ACOX3: variants seen among roughly 807,000 people sequenced by gnomAD.
ACOX3 encodes acyl-CoA oxidase 3, pristanoyl.
In ACOX3, 73 loss-of-function variants were observed where a neutral mutation model predicts 81.5. That is an observed-to-expected ratio of 0.90 (90% CI 0.74 to 1.09). The LOEUF is 1.09. ACOX3 is among the 50% of genes least tolerant of loss of function. The pLI is 0.00. For synonymous variants in ACOX3, 387 were observed against 375.1 expected (o/e 1.03, Z -0.37); for missense variants, 947 against 928.0 (o/e 1.02, Z -0.27).
rs1720834062 is a variant in ACOX3 at position 8,405,487 on chromosome 4, G to T, written c.776+468C>A. On this transcript the variant is annotated intron_variant, in intron 7 of 17. Coordinates refer to ENST00000356406, the MANE Select transcript of ACOX3 (RefSeq NM_003501.3). The surrounding 1 kb of genome is among the most constrained non-coding windows in gnomAD (Gnocchi z 7.1). ...GGCTGATTAAACAAATAAGCCAGCG[G>T]AATTCTCTTTCTAAGTGCTGTGACA... 6.6e-6 allele frequency among the ~76,000 whole-genome samples: 1 copy of T among 152,248 alleles called. No homozygotes were observed. Among genetic ancestry groups the T allele is most frequent in the Non-Finnish European group, 1.5e-5 (1 of 68,040 alleles).
At chr4:8,365,047 G>T (rs189707087), downstream of ACOX3, among the ~76,000 whole-genome samples, 1 of 152,262 alleles carries the variant, frequency 6.6e-6, no homozygotes, top group Admixed American at 6.5e-5. Flanking sequence ...ACACACACAC[G>T]GCCTGAGGCA....
rs749462766 is a variant in ACOX3, at chr4:8,367,038, C to G, written c.2026G>C (p.Val676Leu). 61 of 1,613,998 alleles carry G rather than the reference C, an allele frequency of 3.8e-5. No individual in the cohort carries two copies. The highest frequency in any genetic ancestry group is 4.7e-5 in the Non-Finnish European group (56 of 1,180,018). ...GGCCACCAGGATGCCCGCTCCAACA[C>G]CTTGCTTTCCTGCAGGACAGCGCCC... ...LWGAVLQESK[V>L]LERASWWPEF... Residue 676 changes from valine (V) to leucine (L), a missense_variant, in exon 18 of 18, where the codon GTG (valine) becomes CTG (leucine). By Grantham distance (32) the Val-to-Leu change is conservative. Transcript: ENST00000356406.
chr4:8,380,435 C>T (rs1449990288), intron 14 of ACOX3, among the ~76,000 whole-genome samples: 3 of 152,092 alleles, frequency 2.0e-5, no homozygotes, highest in Admixed American at 6.5e-5. Context: ...GTAATCCACC[C>T]GTCTCAGCCT....
chr4:8,410,033 G>C (rs1721548460), intron 6 of ACOX3, among the ~76,000 whole-genome samples, 179 bp downstream of exon 6: 1 of 151,854 alleles, frequency 6.6e-6, no homozygotes, highest in South Asian at 2.1e-4. Context: ...TGTGGGCGGG[G>C]CTGTTTGCAC....
chr4:8,410,309 A>G lies in ACOX3; in HGVS notation c.590T>C (p.Val197Ala). ...SPDFEAAKFW[V>A]GNMGKTATHA... is the part of the protein sequence containing the mutation. ...AGTGGCTGTCTTGCCCATGTTGCCA[A>G]CCCAAAACTTGGCAGCTTCGAAATC... Residue 197 changes from valine (V) to alanine (A), a missense_variant, in exon 6 of 18, where the codon GTT (valine) becomes GCT (alanine). Coordinates refer to ENST00000356406, the MANE Select transcript of ACOX3 (RefSeq NM_003501.3). 1 of 1,614,140 alleles carries G rather than the reference A, an allele frequency of 6.2e-7. No homozygotes were observed. The highest frequency in any genetic ancestry group is 1.1e-5 in the South Asian group (1 of 91,086).
chr4:8,367,961 C>T (rs1378099199), intron 17 of ACOX3, among the ~76,000 whole-genome samples: 1 of 151,304 alleles, frequency 6.6e-6, no homozygotes, highest in Non-Finnish European at 1.5e-5. Context: ...CACTGCACCC[C>T]AGCCTGGGTG....
At chr4:8,411,081 C>T (rs1721670651) in intron 5 of ACOX3, among the ~76,000 whole-genome samples, 1 of 152,194 alleles carries the variant, frequency 6.6e-6, no homozygotes, top group Non-Finnish European at 1.5e-5. Context: ...CTGCTGGGAG[C>T]CCTTCGAGTA....
Position 8,405,934 on chromosome 4 carries a change from T to A in ACOX3, c.776+21A>T. On this transcript the variant is annotated intron_variant, in intron 7 of 17. Coordinates refer to ENST00000356406, the MANE Select transcript of ACOX3 (RefSeq NM_003501.3). The surrounding 1 kb of genome is among the most constrained non-coding windows in gnomAD (Gnocchi z 7.1). ...TGGGCCTTGGCAGGAAGCTCAGGGC[T>A]CAGCAGCCTCTGTCACTCACCCATT... The A allele has an allele frequency of 6.2e-7, 1 of 1,611,422 alleles. No individual in the cohort carries two copies. Among genetic ancestry groups the A allele is most frequent in the Non-Finnish European group, 8.5e-7 (1 of 1,177,608 alleles).
chr4:8,424,959 A>G (rs1723315863), intron 1 of ACOX3, among the ~76,000 whole-genome samples: 1 of 152,228 alleles, frequency 6.6e-6, no homozygotes, highest in Non-Finnish European at 1.5e-5. Flanking sequence ...TGGCAGAACT[A>G]ATAGCCCTCA....
At chr4:8,402,759 G>T (rs1268258618) in intron 7 of ACOX3, among the ~76,000 whole-genome samples, 1 of 152,362 alleles carries the variant, frequency 6.6e-6, no homozygotes, top group African/African-American at 2.4e-5. Flanking sequence ...GGAGTTGTGT[G>T]TGTGTGTCAC....
the ACOX3 span, chr4:8,357,412 T>C: frequency 5.6e-6 from 2 of 357,166 alleles, no homozygotes; most frequent in Non-Finnish European, 5.6e-6. Flanking sequence ...GGCCCAAAAG[T>C]AAATCAATTA....
chr4:8,393,619 ACACACACACACACACACG>A (rs1243125430), intron 10 of ACOX3, among the ~76,000 whole-genome samples: 4 of 115,712 alleles, frequency 3.5e-5, no homozygotes, highest in African/African-American at 1.1e-4. Context: ...ACACACGCAC[ACACACACACACACACACG>A]CACACACACA....
intron 7 of ACOX3, among the ~76,000 whole-genome samples, chr4:8,404,233 C>T (rs1720678135): frequency 4.6e-5 from 7 of 152,220 alleles, no homozygotes; most frequent in Admixed American, 4.6e-4. Flanking sequence ...GGGCACCGTC[C>T]ATGCCAAGCG....
chr4:8,404,597 C>T (rs1331594755), intron 7 of ACOX3, among the ~76,000 whole-genome samples: 1 of 152,186 alleles, frequency 6.6e-6, no homozygotes, highest in Non-Finnish European at 1.5e-5. Flanking sequence ...AGATTTAAGA[C>T]ACTCCCTGCC....
At chr4:8,427,330 A>C (rs150936268) in intron 1 of ACOX3, among the ~76,000 whole-genome samples, 60 of 152,296 alleles carry the variant, frequency 3.9e-4, no homozygotes, top group African/African-American at 1.4e-3. Context: ...TGTTTTCACG[A>C]TATTAAATCT....
rs1310603861 is a variant in ACOX3 at position 8,366,319 on chromosome 4, G to C, written c.*642C>G. On this transcript the variant is annotated 3_prime_UTR_variant, in exon 18 of 18. Transcript: ENST00000356406. ...TGATTTGTATATAACTGGCGGCAGGGGGAGGGGGGCGGTTGGAGACTGAAT... is the reference window on the plus strand; with the variant it reads ...TGATTTGTATATAACTGGCGGCAGGCGGAGGGGGGCGGTTGGAGACTGAAT... 6.6e-6 allele frequency: 1 copy of C among 152,446 alleles called. No homozygotes were observed. The highest frequency in any genetic ancestry group is 1.5e-5 in the Non-Finnish European group (1 of 68,246). The allele number at this position is 152,446 out of a possible 1,614,324, so 9.4% of individuals were successfully genotyped here.
chr4:8,371,055 C>G, intron 16 of ACOX3, 61 bp from the exon 17 acceptor site: 1 of 1,517,100 alleles, frequency 6.6e-7, no homozygotes, highest in Non-Finnish European at 9.1e-7. Flanking sequence ...GTGACCAAAG[C>G]ATAACAGCCC....
intron 5 of ACOX3, among the ~76,000 whole-genome samples, chr4:8,410,619 A>G (rs991314204): frequency 5.3e-5 from 8 of 152,230 alleles, no homozygotes; most frequent in African/African-American, 1.9e-4. Flanking sequence ...TTTCATTATC[A>G]TATAGTCTTC....
At chr4:8,402,990 G>A (rs1020479901) in intron 7 of ACOX3, among the ~76,000 whole-genome samples, 11 of 152,158 alleles carry the variant, frequency 7.2e-5, no homozygotes, top group Admixed American at 4.6e-4. Context: ...CCCAGCCACC[G>A]CCTCAGCTCA....
Sources: allele counts gnomAD v4.1 joint callset (sites outside exome capture counted in the v4.1 genomes callset), GRCh38; gene constraint gnomAD v4.1.1; non-coding constraint Gnocchi (gnomAD v3.1); transcripts MANE v1.5; gene names NCBI Gene and HGNC (gene_info 2026-07-23, HGNC 2026-07-21).